The following DOCK11 variants were observed in gnomAD, a reference collection of about 807,000 sequenced individuals.
DOCK11 encodes the protein dedicator of cytokinesis 11.
In DOCK11, 70 loss-of-function variants were observed where a neutral mutation model predicts 169.1. The ratio of observed to expected loss-of-function variants is 0.41; its 90% CI spans 0.34 to 0.51. DOCK11 has a LOEUF of 0.51. DOCK11 is among the 20% of genes least tolerant of loss of function. DOCK11 has a pLI of 0.10. For synonymous variants in DOCK11, 529 were observed against 541.3 expected, an observed-to-expected ratio of 0.98 and a Z score of 0.32; for missense variants, 1,166 against 1,538.8, an observed-to-expected ratio of 0.76 and a Z score of 4.05.
intron 47 of DOCK11, 149 bp from the exon 48 acceptor site, chrX:118,676,442 T>C (rs182404453): frequency 2.9e-6 from 1 of 341,792 alleles, no homozygotes; most frequent in African/African-American, 2.7e-5. Flanking sequence ...TATTTGAAAT[T>C]AAAAGGGTAA....
chrX:118,537,987 A>G (rs1427127817), intron 1 of DOCK11, among the ~76,000 whole-genome samples: 2 of 112,101 alleles, frequency 1.8e-5, no homozygotes, highest in Non-Finnish European at 3.8e-5. Context: ...AGCAACGGAA[A>G]AGTGTACTGC....
chrX:118,525,788 T>C (rs950849304), intron 1 of DOCK11, among the ~76,000 whole-genome samples: 10 of 108,387 alleles, frequency 9.2e-5, no homozygotes, highest in Admixed American at 2.0e-4. Flanking sequence ...GCGGTACTTG[T>C]TTGTGCTAGA....
rs774450332 is a variant in DOCK11 at position 118,611,964 on chromosome X, T to G, written c.3096+1546T>G. On this transcript the variant is annotated intron_variant, in intron 28 of 52. Transcript: ENST00000276202. ...TTTGCCATGTTGGCCTGGCTGGTCT[T>G]GAACTCCTGACTTCAAGTGATCTGC... 6.2e-5 allele frequency among the ~76,000 whole-genome samples: 7 copies of G among 112,061 alleles called. No individual in the cohort carries two copies. In the South Asian group the frequency reaches 1.1e-3, roughly 18 times the overall value.
At chrX:118,615,887 T>C (rs1010270894) in intron 30 of DOCK11, among the ~76,000 whole-genome samples, 176 bp downstream of exon 30, 5 of 112,307 alleles carry the variant, frequency 4.5e-5, no homozygotes, top group African/African-American at 1.6e-4. Context: ...GTAATAATGT[T>C]CATAGTGTGA....
chrX:118,647,604 A>T (rs2147526070), intron 40 of DOCK11, among the ~76,000 whole-genome samples: 1 of 66,502 alleles, frequency 1.5e-5, no homozygotes, highest in East Asian at 4.4e-4. Flanking sequence ...ATATTAATAT[A>T]TAAATATAAT....
chrX:118,607,155 G>A (rs1390889052), intron 24 of DOCK11, among the ~76,000 whole-genome samples: 2 of 76,585 alleles, frequency 2.6e-5, no homozygotes, highest in African/African-American at 5.4e-5. Flanking sequence ...TAGCTCTGTT[G>A]CCCAGGCTGG....
chrX:118,559,457 A>G (rs1207876846), intron 6 of DOCK11, among the ~76,000 whole-genome samples: 1 of 111,807 alleles, frequency 8.9e-6, no homozygotes, highest in East Asian at 2.8e-4. Context: ...TAGTTTTGTT[A>G]TAGATAATTA....
Position 118,686,043 on chromosome X carries a change from T to A in DOCK11, c.*236T>A. On this transcript the variant is annotated 3_prime_UTR_variant, in exon 53 of 53. Transcript: ENST00000276202. ...TTAGGTAAATCTATATGCTGAAAAG[T>A]AGAGCTCAAAAACAGTAGTTCAATT... The A allele has an allele frequency of 6.6e-6, 2 of 303,570 alleles. No homozygotes were observed. Among genetic ancestry groups the A allele is most frequent in the Non-Finnish European group, 1.1e-5 (2 of 175,859 alleles). The allele number at this position is 303,570 out of a possible 1,213,427, so 25.0% of individuals were successfully genotyped here. A position where few individuals can be genotyped will look rare whatever the true frequency, so the allele number is the denominator to read the frequency against.
In DOCK11 at chrX:118,495,816, G is replaced by A. The variant is rs2057531267; in HGVS notation, c.-156G>A. On this transcript the variant is annotated 5_prime_UTR_variant, in exon 1 of 53. Transcript: ENST00000276202. The stretch of plus-strand genomic sequence containing the variant: ...GGGTGGGAGGTGGGAGGGAGGAGCA[G>A]CGTGAGCCGCGCCGCCGCCGAGCTG... The A allele has an allele frequency of 1.2e-5, 2 of 161,672 alleles. No individual in the cohort carries two copies. The highest frequency in any genetic ancestry group is 3.2e-5 in the African/African-American group (1 of 31,673). 13.3% of individuals were successfully genotyped at this position (161,672 alleles called of 1,213,427 possible). A position where few individuals can be genotyped will look rare whatever the true frequency, so the allele number is the denominator to read the frequency against.
intron 4 of DOCK11, among the ~76,000 whole-genome samples, chrX:118,543,963 A>G (rs1411296789): frequency 9.0e-6 from 1 of 111,715 alleles, no homozygotes; most frequent in Non-Finnish European, 1.9e-5. Flanking sequence ...ACAAACAAAC[A>G]CCACTTGTGA....
Position 118,643,551 on chromosome X carries a change from C to T in DOCK11, c.4355C>T (p.Ser1452Leu). 7.4e-6 allele frequency: 9 copies of T among 1,210,649 alleles called. No individual in the cohort carries two copies. Among genetic ancestry groups the T allele is most frequent in the Non-Finnish European group, 1.0e-5 (9 of 895,016 alleles). ...AFLKNGQSEV[S>L]LKHVFASLRA... ...CTTAAAAATGGACAATCTGAAGTGT[C>T]GCTGAAACATGTATTTGCCTCACTG... is the stretch of plus-strand genomic sequence containing the variant. Residue 1452 changes from serine to leucine, a missense_variant, in exon 40 of 53, where the codon TCG becomes TTG. Physicochemically the swap from Ser to Leu is moderately radical, Grantham distance 145 (BLOSUM62 -2). Coordinates refer to ENST00000276202, the MANE Select transcript of DOCK11 (RefSeq NM_144658.4).
Position 118,625,319 on chromosome X carries a change from T to G in DOCK11, c.3588+664T>G, listed in dbSNP as rs1348669275. The stretch of plus-strand genomic sequence containing the variant: ...ACAGGTGCCCGCCACCATGCCTGGC[T>G]AATTTTTTTGTATATTTAGTAGAGA... On this transcript the variant is annotated intron_variant, in intron 32 of 52. Transcript: ENST00000276202. Among the ~76,000 whole-genome samples, 3 of 110,756 alleles carry G rather than the reference T, an allele frequency of 2.7e-5. No homozygotes were observed. The Admixed American group carries it at 2.9e-4, about 11-fold the overall frequency.
chrX:118,546,051 G>A lies in DOCK11; in HGVS notation c.493G>A (p.Gly165Ser), dbSNP rs1241520245. The change falls in exon 6 of 53, where the codon GGT becomes AGT. Residue 165 changes from glycine (G) to serine (S), a missense_variant. Physicochemically the swap from Gly to Ser is moderately conservative, Grantham distance 56. Transcript: ENST00000276202. ...DSSSLCSQKG[G>S]VIKQGWLHKA... ...ATCTTCTTTATGTTCTCAGAAGGGT[G>A]GTGTGATAAAACAAGGCTGGTTGCA... is the stretch of plus-strand genomic sequence containing the variant. 1.7e-6 allele frequency: 2 copies of A among 1,206,655 alleles called. No homozygotes were observed. Among genetic ancestry groups the A allele is most frequent in the Admixed American group, 4.4e-5 (2 of 45,785 alleles).
intron 34 of DOCK11, 100 bp from the exon 35 acceptor site, chrX:118,630,279 G>T: frequency 2.0e-6 from 1 of 490,243 alleles, no homozygotes; most frequent in Admixed American, 3.2e-5. Context: ...TTTATGTTTA[G>T]AATTTTCCCA....
At chrX:118,664,936 C>T (rs777245426) in intron 45 of DOCK11, among the ~76,000 whole-genome samples, 15 of 112,199 alleles carry the variant, frequency 1.3e-4, no homozygotes, top group African/African-American at 3.9e-4. Context: ...ATTACAGTGA[C>T]ACACTTCATA....
chrX:118,684,275 T>C (rs1051696490), intron 52 of DOCK11, among the ~76,000 whole-genome samples: 13 of 95,399 alleles, frequency 1.4e-4, no homozygotes, highest in East Asian at 6.2e-4. Flanking sequence ...TTTTTTCTTT[T>C]TTTTTTTTTT....
chrX:118,610,439 A>T lies in DOCK11; in HGVS notation c.3096+21A>T, dbSNP rs918072712. ...TGAAGGTGAGTTCAAGGCAGCTAGAATGTGGTAAGGAACTCCTCTTCATTG... is the reference window on the plus strand; with the variant it reads ...TGAAGGTGAGTTCAAGGCAGCTAGATTGTGGTAAGGAACTCCTCTTCATTG... On this transcript the variant is annotated intron_variant, in intron 28 of 52. Coordinates refer to ENST00000276202, the MANE Select transcript of DOCK11 (RefSeq NM_144658.4). 5 of 1,203,057 alleles carry T rather than the reference A, an allele frequency of 4.2e-6. No individual in the cohort carries two copies. In the African/African-American group the frequency reaches 7.0e-5, roughly 17 times the overall value.
chrX:118,527,303 T>C (rs2147326946), intron 1 of DOCK11, among the ~76,000 whole-genome samples: 1 of 112,534 alleles, frequency 8.9e-6, no homozygotes, highest in East Asian at 2.8e-4. Flanking sequence ...AAAGATACTC[T>C]TTCTTAGGCT....
intron 1 of DOCK11, among the ~76,000 whole-genome samples, chrX:118,519,065 T>A (rs2057706768): frequency 8.9e-6 from 1 of 112,388 alleles, no homozygotes; most frequent in South Asian, 3.6e-4. Context: ...CCTAATATTT[T>A]TTTAAAAAAA....
Sources: allele counts gnomAD v4.1 joint callset (sites outside exome capture counted in the v4.1 genomes callset), GRCh38; gene constraint gnomAD v4.1.1; transcripts MANE v1.5; gene names NCBI Gene and HGNC (gene_info 2026-07-23, HGNC 2026-07-21).